Variants in NCS1 observed in about 807,000 individuals in gnomAD.
The protein encoded by NCS1 is neuronal calcium sensor 1.
Under a neutral mutation model 28.4 loss-of-function variants are expected in NCS1, and 6 were observed. The ratio of observed to expected loss-of-function variants is 0.21; its 90% confidence interval spans 0.12 to 0.42. The LOEUF (loss-of-function observed/expected upper bound fraction) is 0.42. Among genes scored for constraint, NCS1 ranks in the 10% least tolerant of loss-of-function variants. The pLI is 1.00. For missense variants in NCS1, 131 were observed against 241.4 expected (o/e 0.54, Z 3.03); for synonymous variants, 86 against 99.3 (o/e 0.87, Z 0.79).
chr9:130,200,388 C>T, intron 1 of NCS1: 2 of 605,504 alleles, frequency 3.3e-6, no homozygotes, highest in Admixed American at 5.9e-5. Context: ...TCAGCTTTTG[C>T]TTCACGGCTC....
intron 2 of NCS1, among the ~76,000 whole-genome samples, chr9:130,217,291 C>T (rs1162828152): frequency 6.6e-6 from 1 of 152,200 alleles, no homozygotes; most frequent in African/African-American, 2.4e-5. Flanking sequence ...GCCAGGATCC[C>T]CCCATGCTGT....
intron 1 of NCS1, among the ~76,000 whole-genome samples, chr9:130,194,337 G>C (rs575567569): frequency 1.3e-5 from 2 of 152,216 alleles, no homozygotes; most frequent in African/African-American, 4.8e-5. Flanking sequence ...TGCCGGGGTG[G>C]AAAGGAGGCT....
chr9:130,187,860 T>C (rs766710310), intron 1 of NCS1, among the ~76,000 whole-genome samples: 4 of 152,200 alleles, frequency 2.6e-5, no homozygotes, highest in Non-Finnish European at 4.4e-5. Flanking sequence ...CTGTGAACAA[T>C]TTGGCTTCTG....
At chr9:130,212,818 G>A (rs1462455645) in intron 2 of NCS1, among the ~76,000 whole-genome samples, 1 of 152,148 alleles carries the variant, frequency 6.6e-6, no homozygotes, top group Admixed American at 6.5e-5. Context: ...CACTGCAAGA[G>A]GGAGTGTGCA....
rs1234143551 is a variant in NCS1 at position 130,175,085 on chromosome 9, C to T, written c.64+2358C>T. 1.3e-5 allele frequency among the ~76,000 whole-genome samples: 2 copies of T among 152,040 alleles called. No individual in the cohort carries two copies. Among genetic ancestry groups the T allele is most frequent in the African/African-American group, 4.8e-5 (2 of 41,372 alleles). On this transcript the variant is annotated intron_variant, in intron 1 of 7. Transcript: ENST00000372398. This position sits in a 1 kb window ranked among gnomAD's most constrained non-coding sequence, Gnocchi z 4.9. ...GTCGAAGCCCTTATTAGGGGTGGGC[C>T]GTTGGAGGTGGCGGTGGGTTCATTG...
intron 2 of NCS1, among the ~76,000 whole-genome samples, chr9:130,206,170 T>C (rs944125856): frequency 1.3e-5 from 2 of 152,174 alleles, no homozygotes; most frequent in Non-Finnish European, 2.9e-5. Context: ...GCTGTTACCA[T>C]ACAAAATAAA....
At chr9:130,189,858 C>CA (rs869189538) in intron 1 of NCS1, among the ~76,000 whole-genome samples, 13 of 43,116 alleles carry the variant, frequency 3.0e-4, no homozygotes, top group African/African-American at 1.5e-3. Flanking sequence ...GACTCCATCT[C>CA]AAAAAAAAAA....
At chr9:130,200,610 G>C (rs1832929101) in intron 1 of NCS1, 1 of 1,551,682 alleles carries the variant, frequency 6.4e-7, no homozygotes, top group African/African-American at 1.4e-5. Flanking sequence ...AGATGGCAAC[G>C]AGTAAGTCTT....
At chr9:130,205,947 G>C (rs1554908036) in intron 2 of NCS1, among the ~76,000 whole-genome samples, 1 of 152,102 alleles carries the variant, frequency 6.6e-6, no homozygotes, top group African/African-American at 2.4e-5. Context: ...TACCTTGAAG[G>C]CTAGGAGATG....
intron 1 of NCS1, among the ~76,000 whole-genome samples, chr9:130,178,400 C>T (rs1832604821): frequency 6.6e-6 from 1 of 152,256 alleles, no homozygotes; most frequent in African/African-American, 2.4e-5. Context: ...CCCTTCCCTA[C>T]ATCACCCCAC....
At chr9:130,214,293 G>T (rs1341560905) in intron 2 of NCS1, among the ~76,000 whole-genome samples, 1 of 152,162 alleles carries the variant, frequency 6.6e-6, no homozygotes, top group Non-Finnish European at 1.5e-5. Flanking sequence ...CGGGAGAGTG[G>T]GTGGGCCCAT....
At chr9:130,204,744 A>G (rs1829418168) in intron 2 of NCS1, among the ~76,000 whole-genome samples, 1 of 152,218 alleles carries the variant, frequency 6.6e-6, no homozygotes, top group African/African-American at 2.4e-5. Context: ...TAATTCACAT[A>G]AGACGTTTGG....
At position 130,225,954 on chromosome 9, in the gene NCS1, G is replaced by T. The variant is rs891219112; in HGVS notation, c.475-435G>T. Among the ~76,000 whole-genome samples the T allele has an allele frequency of 2.2e-4, 34 of 152,134 alleles. 1 individual carries two copies. The highest frequency in any genetic ancestry group is 1.3e-4 in the Non-Finnish European group (9 of 68,018). ...CCAGCCCCCTGCCGGGTCTCCCAGG[G>T]TCCAGTGTGGGCTGCTCCAGGAGCA... On this transcript the variant is annotated intron_variant, in intron 6 of 7. Transcript: ENST00000372398.
At chr9:130,199,549 G>T (rs1296110483) in intron 1 of NCS1, among the ~76,000 whole-genome samples, 1 of 152,206 alleles carries the variant, frequency 6.6e-6, no homozygotes, top group African/African-American at 2.4e-5. Flanking sequence ...CAGACCTAAG[G>T]TCAGGCCCTT....
rs73545569 is a variant in NCS1, at chr9:130,209,395, G to A, written c.89+8413G>A. On this transcript the variant is annotated intron_variant, in intron 2 of 7. Coordinates refer to ENST00000372398, the MANE Select transcript of NCS1 (RefSeq NM_014286.4). This position sits in a 1 kb window ranked among gnomAD's most constrained non-coding sequence, Gnocchi z 4.4. Reference sequence around the variant, plus strand: ...TTGGGAGACTGAGGCCTGGCAGTGCGGGGGCTTGCTCAGGCCCTCAGAGAA... The same window carrying A: ...TTGGGAGACTGAGGCCTGGCAGTGCAGGGGCTTGCTCAGGCCCTCAGAGAA... Among the ~76,000 whole-genome samples the A allele has an allele frequency of 4.7e-4, 72 of 152,308 alleles. No homozygotes were observed. Among genetic ancestry groups the A allele is most frequent in the African/African-American group, 1.6e-3 (66 of 41,570 alleles).
intron 1 of NCS1, chr9:130,200,749 G>A: frequency 7.0e-7 from 1 of 1,418,808 alleles, no homozygotes; most frequent in South Asian, 1.2e-5. Flanking sequence ...AAGGGGTGGG[G>A]CCAGTGTCCC....
intron 3 of NCS1, 123 bp downstream of exon 3, chr9:130,218,093 C>A: frequency 1.6e-6 from 2 of 1,250,170 alleles, no homozygotes; most frequent in South Asian, 1.2e-5. Flanking sequence ...CACACGAGTG[C>A]ATACTGACAT....
At chr9:130,196,177 A>AC (rs1554906808) in intron 1 of NCS1, among the ~76,000 whole-genome samples, 2 of 151,828 alleles carry the variant, frequency 1.3e-5, no homozygotes, top group African/African-American at 4.8e-5. Context: ...CTTGGGCAGG[A>AC]CCCCCCAGCC....
rs1832901659 is a variant in NCS1, at chr9:130,198,332, G to T, written c.65-2626G>T. 2.0e-5 allele frequency among the ~76,000 whole-genome samples: 3 copies of T among 152,306 alleles called. No individual in the cohort carries two copies. The South Asian group carries it at 6.2e-4, about 32-fold the overall frequency. On this transcript the variant is annotated intron_variant, in intron 1 of 7. Coordinates refer to ENST00000372398, the MANE Select transcript of NCS1 (RefSeq NM_014286.4). Reference sequence around the variant, plus strand: ...GGAGACATGGGTGGGGGGTGTCAAGGGAGAGTGGGACTTCGGAGCTGGGGG... The same window carrying T: ...GGAGACATGGGTGGGGGGTGTCAAGTGAGAGTGGGACTTCGGAGCTGGGGG...
Sources: gnomAD v4.1 joint callset for allele counts (sites outside exome capture counted in the v4.1 genomes callset) on GRCh38, gnomAD v4.1.1 for gene constraint, Gnocchi (gnomAD v3.1) non-coding constraint, MANE v1.5 for transcripts, NCBI Gene and HGNC (gene_info 2026-07-23, HGNC 2026-07-21) for gene names.